Variants in GREB1 observed in about 807,000 individuals in gnomAD.
The protein encoded by GREB1 is protein GREB1.
Under a neutral mutation model 200.7 loss-of-function variants are expected in GREB1, and 106 were observed. The ratio of observed to expected loss-of-function variants is 0.53; its 90% CI spans 0.45 to 0.62. The LOEUF is 0.62. Ranked by LOEUF, GREB1 falls within the 20% of genes least tolerant of loss-of-function variation. GREB1 has a pLI of 0.00. For synonymous variants in GREB1, 1,132 were observed against 1,092.4 expected, an observed-to-expected ratio of 1.04 and a Z score of -0.72; for missense variants, 2,243 against 2,556.8, an observed-to-expected ratio of 0.88 and a Z score of 2.65.
At chr2:11,500,974 C>G (rs540641670) in intron 1 of GREB1, among the ~76,000 whole-genome samples, 4 of 152,138 alleles carry the variant, frequency 2.6e-5, no homozygotes, top group African/African-American at 9.7e-5. Context: ...ATTTCACTCC[C>G]CAGTTCAAGC....
At chr2:11,628,208 T>A (rs183242681) in intron 25 of GREB1, among the ~76,000 whole-genome samples, 3 of 152,326 alleles carry the variant, frequency 2.0e-5, no homozygotes, top group Admixed American at 6.5e-5. Context: ...GGAGGGCCTG[T>A]GAGGCTGGTT....
chr2:11,485,674 G>A (rs1448157022), intron 1 of GREB1, among the ~76,000 whole-genome samples: 1 of 152,162 alleles, frequency 6.6e-6, no homozygotes, highest in Non-Finnish European at 1.5e-5. Context: ...TGCTTGGTAC[G>A]AAGTTGATCA....
At chr2:11,528,670 C>G (rs1673966364) in intron 1 of GREB1, among the ~76,000 whole-genome samples, 1 of 152,200 alleles carries the variant, frequency 6.6e-6, no homozygotes, top group South Asian at 2.1e-4. Context: ...TATGCTTCAT[C>G]TGTAAGCATT....
In GREB1 at chr2:11,580,135, A is replaced by G. The variant is rs578241842; in HGVS notation, c.773-569A>G. On this transcript the variant is annotated intron_variant, in intron 6 of 32. Coordinates refer to ENST00000381486, the MANE Select transcript of GREB1 (RefSeq NM_014668.4). This position sits in a 1 kb window ranked among gnomAD's most constrained non-coding sequence, Gnocchi z 4.5. ...GAGACTTCTTCACTATCACGAGAAC[A>G]GTATGGGGGAAACCACCCCCATGAT... 6.6e-6 allele frequency among the ~76,000 whole-genome samples: 1 copy of G among 152,290 alleles called. No homozygotes were observed. The highest frequency in any genetic ancestry group is 1.9e-4 in the East Asian group (1 of 5,176).
At chr2:11,623,914 A>G (rs1684214756) in intron 23 of GREB1, among the ~76,000 whole-genome samples, 1 of 152,178 alleles carries the variant, frequency 6.6e-6, no homozygotes, top group Non-Finnish European at 1.5e-5. Flanking sequence ...GAAAAAAACA[A>G]CAAAAACAAA....
chr2:11,618,480 G>A lies in GREB1; in HGVS notation c.3605G>A (p.Cys1202Tyr), dbSNP rs979865536. 10 of 1,608,952 alleles carry A rather than the reference G, an allele frequency of 6.2e-6. No individual in the cohort carries two copies. The highest frequency in any genetic ancestry group is 8.5e-6 in the Non-Finnish European group (10 of 1,178,436). ...HSPGPTPQPD[C>Y]SLRTGQRSVQ... ...CCCGGGCCGACGCCCCAGCCCGACT[G>A]TAGCCTCAGGACCGGCCAGAGGAGC... Residue 1202 changes from cysteine to tyrosine, a missense_variant, in exon 22 of 33, where the codon TGT becomes TAT. Transcript: ENST00000381486.
In GREB1 at chr2:11,580,811, C is replaced by A; in HGVS notation, c.880C>A (p.Leu294Met). ...ACTGGCAAAGAATAACCTGTTGGCC[C>A]TGCCGCGACCATCGGCTTTAGGTAG... The part of the protein sequence containing the change: ...QQLAKNNLLA[L>M]PRPSALGILS... The change falls in exon 7 of 33, where the codon CTG becomes ATG. Residue 294 changes from leucine (L) to methionine (M), a missense_variant. Leu to Met is a conservative substitution (Grantham distance 15). This residue lies in a region of GREB1 where 1,178 missense variants were observed against 1,387.4 expected (regional missense o/e 0.85). Coordinates refer to ENST00000381486, the MANE Select transcript of GREB1 (RefSeq NM_014668.4). This position sits in a 1 kb window ranked among gnomAD's most constrained non-coding sequence, Gnocchi z 4.5. 6.2e-7 allele frequency: 1 copy of A among 1,614,236 alleles called. No homozygotes were observed. The highest frequency in any genetic ancestry group is 8.5e-7 in the Non-Finnish European group (1 of 1,180,040).
In GREB1 at chr2:11,493,014, A is replaced by G. The variant is rs1409852905; in HGVS notation, c.-159+10633A>G. Among the ~76,000 whole-genome samples the G allele has an allele frequency of 6.6e-6, 1 of 152,224 alleles. No homozygotes were observed. On this transcript the variant is annotated intron_variant, in intron 1 of 2. Transcript: ENST00000628795. The surrounding 1 kb of genome is among the most constrained non-coding windows in gnomAD (Gnocchi z 4.6). ...AGGAAGCAGAGCCCAAGTCCCAGGAAGGGCTGATGGCAGCTGCTGGCCTTG... is the reference window on the plus strand; with the variant it reads ...AGGAAGCAGAGCCCAAGTCCCAGGAGGGGCTGATGGCAGCTGCTGGCCTTG...
rs561728298 is a variant in GREB1, at chr2:11,620,084, C to A, written c.4045-821C>A. ...CTCCGCCTCCCGGGTTCAAGCGATTCTCTTGCCTCAGCCTCCCGAGTAGCT... is the reference window on the plus strand; with the variant it reads ...CTCCGCCTCCCGGGTTCAAGCGATTATCTTGCCTCAGCCTCCCGAGTAGCT... On this transcript the variant is annotated intron_variant, in intron 22 of 32. Coordinates refer to ENST00000381486, the MANE Select transcript of GREB1 (RefSeq NM_014668.4). Among the ~76,000 whole-genome samples the A allele has an allele frequency of 6.6e-5, 10 of 152,318 alleles. No individual in the cohort carries two copies. The South Asian group carries it at 2.1e-3, about 32-fold the overall frequency.
intron 17 of GREB1, among the ~76,000 whole-genome samples, chr2:11,607,285 C>T (rs1232100966): frequency 1.3e-5 from 2 of 151,182 alleles, no homozygotes; most frequent in Non-Finnish European, 2.9e-5. Flanking sequence ...TTGCCAAGGT[C>T]TTGAACCCCT....
chr2:11,615,129 C>T lies in GREB1; in HGVS notation c.3161C>T (p.Ser1054Phe). The T allele has an allele frequency of 6.2e-7, 1 of 1,614,178 alleles. No individual in the cohort carries two copies. The change falls in exon 20 of 33, where the codon TCC (serine) becomes TTC (phenylalanine). Residue 1054 changes from serine (S) to phenylalanine (F), a missense_variant. This residue lies in a region of GREB1 where 1,178 missense variants were observed against 1,387.4 expected (regional missense o/e 0.85). Coordinates refer to ENST00000381486, the MANE Select transcript of GREB1 (RefSeq NM_014668.4). ...TGTGACCTGCGATTGATAAACTCCT[C>T]CTGCTTGGTGAGAACAGCCTTGGAG... ...RYCDLRLINS[S>F]CLVRTALEQE...
chr2:11,576,681 C>T (rs1678890193), intron 5 of GREB1, 146 bp downstream of exon 5: 2 of 622,132 alleles, frequency 3.2e-6, no homozygotes, highest in East Asian at 2.7e-5. Context: ...GGAAAATGCT[C>T]CTTTGCGTTA....
intron 3 of GREB1, 98 bp downstream of exon 3, chr2:11,562,680 G>A: frequency 7.4e-7 from 1 of 1,356,876 alleles, no homozygotes; most frequent in Non-Finnish European, 9.9e-7. Context: ...TGCTGCAGGG[G>A]TCCTCTTTGC....
chr2:11,640,532 C>A lies in GREB1; in HGVS notation c.*78C>A, dbSNP rs1408065246. On this transcript the variant is annotated 3_prime_UTR_variant, in exon 33 of 33. Transcript: ENST00000381486. This position sits in a 1 kb window ranked among gnomAD's most constrained non-coding sequence, Gnocchi z 4.6. ...GTTGAGGCTAAAGGGAGGCCTGGAA[C>A]GGTGGGGCGTTTGACTGGAATGGAC... 6.6e-7 allele frequency: 1 copy of A among 1,525,372 alleles called. No homozygotes were observed. The highest frequency in any genetic ancestry group is 9.0e-7 in the Non-Finnish European group (1 of 1,107,370). 94.5% of individuals were successfully genotyped at this position (1,525,372 alleles called of 1,614,324 possible). A position where few individuals can be genotyped will look rare whatever the true frequency, so the allele number is the denominator to read the frequency against.
chr2:11,525,581 T>C (rs1410846574), intron 1 of GREB1, among the ~76,000 whole-genome samples: 1 of 151,974 alleles, frequency 6.6e-6, no homozygotes, highest in Non-Finnish European at 1.5e-5. Flanking sequence ...ACTCTGTTGA[T>C]TGACTTGGGC....
Position 11,601,294 on chromosome 2 carries a change from G to A in GREB1, c.2529+299G>A, listed in dbSNP as rs572896915. Among the ~76,000 whole-genome samples, 6 of 152,302 alleles carry A rather than the reference G, an allele frequency of 3.9e-5. No individual in the cohort carries two copies. In the South Asian group the frequency reaches 1.2e-3, roughly 32 times the overall value. The stretch of plus-strand genomic sequence containing the variant: ...TGTTTGTTCTATGGCATTGAATGGA[G>A]ATATTGAAGGTAGAGCCCTTAGGCG... On this transcript the variant is annotated intron_variant, in intron 16 of 32. Coordinates refer to ENST00000381486, the MANE Select transcript of GREB1 (RefSeq NM_014668.4).
Position 11,597,947 on chromosome 2 carries a change from C to T in GREB1, c.2121C>T (p.Tyr707=). 1 of 1,614,068 alleles carries T rather than the reference C, an allele frequency of 6.2e-7. No homozygotes were observed. The highest frequency in any genetic ancestry group is 1.3e-5 in the African/African-American group (1 of 75,050). Reference sequence around the variant, plus strand: ...GCATTCCCCCCTCAGAAGTGACCTACCAGCAGACTCTGCTCCATGTGTGGC... The same window carrying T: ...GCATTCCCCCCTCAGAAGTGACCTATCAGCAGACTCTGCTCCATGTGTGGC... The part of the protein sequence containing the change: ...LICIPPSEVT[Y]QQTLLHVWHS... The change falls in exon 14 of 33, where the codon TAC becomes TAT. Residue 707 remains tyrosine, a synonymous_variant. Transcript: ENST00000381486. This position sits in a 1 kb window ranked among gnomAD's most constrained non-coding sequence, Gnocchi z 4.1.
Position 11,580,919 on chromosome 2 carries a change from C to A in GREB1, c.901+87C>A. ...GGGCATGGGAGCTGCTGGGCTGGGG[C>A]CGCTGAGCCTCCTGGAGTCTGATGT... On this transcript the variant is annotated intron_variant, in intron 7 of 32. Coordinates refer to ENST00000381486, the MANE Select transcript of GREB1 (RefSeq NM_014668.4). The surrounding 1 kb of genome is among the most constrained non-coding windows in gnomAD (Gnocchi z 4.5). 1 of 1,523,534 alleles carries A rather than the reference C, an allele frequency of 6.6e-7. No homozygotes were observed. Among genetic ancestry groups the A allele is most frequent in the Non-Finnish European group, 9.1e-7 (1 of 1,104,356 alleles). 94.4% of individuals were successfully genotyped at this position (1,523,534 alleles called of 1,614,324 possible).
chr2:11,568,902 A>G (rs1222361436), intron 4 of GREB1, among the ~76,000 whole-genome samples: 2 of 152,242 alleles, frequency 1.3e-5, no homozygotes, highest in East Asian at 1.9e-4. Context: ...CAGCTTGCAT[A>G]CTTAACACTG....
Sources: allele counts gnomAD v4.1 joint callset (sites outside exome capture counted in the v4.1 genomes callset), GRCh38; gene constraint gnomAD v4.1.1; regional missense constraint gnomAD v4.1.1; non-coding constraint Gnocchi (gnomAD v3.1); transcripts MANE v1.5; gene names NCBI Gene and HGNC (gene_info 2026-07-23, HGNC 2026-07-21).